The following TESK2 variants were observed in gnomAD, a reference collection of about 807,000 sequenced individuals.
TESK2 encodes the protein dual specificity testis-specific protein kinase 2.
TESK2 carries 39 observed loss-of-function variants against 57.1 expected under a neutral mutation model. The observed-to-expected ratio is 0.68, with a 90% CI of 0.53 to 0.89. The LOEUF is 0.89. Ranked by LOEUF, TESK2 falls within the 40% of genes least tolerant of loss-of-function variation. TESK2 has a pLI of 0.00. For synonymous variants in TESK2, 249 were observed against 267.9 expected (o/e 0.93, Z 0.69); for missense variants, 646 against 732.1 (o/e 0.88, Z 1.36).
intron 4 of TESK2, among the ~76,000 whole-genome samples, chr1:45,379,637 T>C (rs1016887999): frequency 2.6e-5 from 4 of 152,176 alleles, no homozygotes; most frequent in African/African-American, 4.8e-5. Context: ...CTAATACTCT[T>C]TAATAAAGAA....
intron 3 of TESK2, among the ~76,000 whole-genome samples, chr1:45,409,218 C>A (rs1649950677): frequency 6.6e-6 from 1 of 152,158 alleles, no homozygotes; most frequent in Non-Finnish European, 1.5e-5. Context: ...GAATAAGGTT[C>A]TTTTCAGAAG....
chr1:45,449,144 C>G (rs937835588), intron 2 of TESK2, among the ~76,000 whole-genome samples: 4 of 151,328 alleles, frequency 2.6e-5, no homozygotes, highest in African/African-American at 9.7e-5. Context: ...ATTGCTTGAA[C>G]CCGGAAGGCA....
At chr1:45,346,879 A>G in intron 8 of TESK2, 100 bp from the exon 9 acceptor site, 1 of 1,541,300 alleles carries the variant, frequency 6.5e-7, no homozygotes, top group East Asian at 2.3e-5. Context: ...CCTGACAACC[A>G]GCAACAGAGA....
intron 1 of TESK2, among the ~76,000 whole-genome samples, chr1:45,472,558 C>CAAAAAAAA (rs11294894): frequency 9.3e-6 from 1 of 107,048 alleles, no homozygotes; most frequent in Non-Finnish European, 1.9e-5. Context: ...AACTCCATCT[C>CAAAAAAAA]AAAAAAAAAA....
chr1:45,371,500 G>A (rs1276022036), intron 4 of TESK2, among the ~76,000 whole-genome samples: 1 of 152,176 alleles, frequency 6.6e-6, no homozygotes, highest in Non-Finnish European at 1.5e-5. Context: ...GAAATAATGT[G>A]ATCCCCAAAA....
At chr1:45,460,850 A>G (rs1200790008) in intron 1 of TESK2, among the ~76,000 whole-genome samples, 4 of 152,228 alleles carry the variant, frequency 2.6e-5, no homozygotes, top group Non-Finnish European at 5.9e-5. Context: ...TTTATATTTG[A>G]AGAAACATAA....
chr1:45,383,050 A>G (rs1202574346), intron 4 of TESK2, among the ~76,000 whole-genome samples: 4 of 152,166 alleles, frequency 2.6e-5, no homozygotes, highest in African/African-American at 9.7e-5. Context: ...AATAATGTCA[A>G]TGTTTTATAG....
chr1:45,420,424 T>C (rs952918121), intron 3 of TESK2, among the ~76,000 whole-genome samples: 1 of 151,578 alleles, frequency 6.6e-6, no homozygotes, highest in Non-Finnish European at 1.5e-5. Context: ...TGTTGTTTGT[T>C]GTTGTTGTTG....
intron 1 of TESK2, among the ~76,000 whole-genome samples, chr1:45,467,639 T>C (rs576050468): frequency 2.9e-5 from 1 of 34,786 alleles, no homozygotes; most frequent in Non-Finnish European, 5.9e-5. Flanking sequence ...CTTCACAGTT[T>C]TTTTTTTTTT....
chr1:45,439,143 A>G (rs11211110), intron 2 of TESK2, among the ~76,000 whole-genome samples: 30,939 of 152,148 alleles, frequency 0.2, 3,455 homozygotes, highest in Non-Finnish European at 0.26. Flanking sequence ...ATAACATAAC[A>G]TTCACTTACT....
chr1:45,420,103 T>C (rs1650409839), intron 3 of TESK2, among the ~76,000 whole-genome samples: 1 of 152,172 alleles, frequency 6.6e-6, no homozygotes, highest in Non-Finnish European at 1.5e-5. Flanking sequence ...AAACCCTAAC[T>C]AAATATACAT....
intron 3 of TESK2, among the ~76,000 whole-genome samples, chr1:45,409,708 T>G (rs1476837156): frequency 1.3e-5 from 2 of 152,112 alleles, no homozygotes; most frequent in East Asian, 3.8e-4. Context: ...AACTACTTGA[T>G]GGTTTGAAAT....
At chr1:45,368,030 T>C (rs1241179361) in intron 4 of TESK2, among the ~76,000 whole-genome samples, 1 of 151,004 alleles carries the variant, frequency 6.6e-6, no homozygotes, top group East Asian at 1.9e-4. Flanking sequence ...GTTTCACTCT[T>C]GTTGCCCAGG....
intron 3 of TESK2, among the ~76,000 whole-genome samples, chr1:45,408,787 G>C (rs964749746): frequency 6.6e-6 from 1 of 152,260 alleles, no homozygotes; most frequent in African/African-American, 2.4e-5. Flanking sequence ...AGTCTTATGA[G>C]CCTCACCATT....
chr1:45,373,454 A>G (rs1193610408), intron 4 of TESK2, among the ~76,000 whole-genome samples: 3 of 152,238 alleles, frequency 2.0e-5, no homozygotes, highest in Admixed American at 2.0e-4. Context: ...ACAAACATTC[A>G]TTGAGCAGCT....
At chr1:45,439,937 A>C (rs1651371285) in intron 2 of TESK2, among the ~76,000 whole-genome samples, 1 of 146,250 alleles carries the variant, frequency 6.8e-6, no homozygotes, top group South Asian at 2.5e-4. Context: ...CAGCCTGGGC[A>C]ACAAAGCAAG....
At chr1:45,415,975 A>AT (rs1358534461) in intron 3 of TESK2, among the ~76,000 whole-genome samples, 1 of 143,746 alleles carries the variant, frequency 7.0e-6, no homozygotes, top group East Asian at 2.2e-4. Flanking sequence ...CTCATCAGCT[A>AT]TTGTTAGTGT....
intron 3 of TESK2, among the ~76,000 whole-genome samples, chr1:45,392,287 T>C (rs919355023): frequency 6.6e-5 from 10 of 152,334 alleles, no homozygotes; most frequent in African/African-American, 2.2e-4. Flanking sequence ...GGCTTCACCA[T>C]GTTGGCCAGG....
At chr1:45,449,146 CG>C (rs1330641278) in intron 2 of TESK2, among the ~76,000 whole-genome samples, 2 of 149,988 alleles carry the variant, frequency 1.3e-5, no homozygotes, top group African/African-American at 4.9e-5. Flanking sequence ...TGCTTGAACC[CG>C]GAAGGCACAG....
Sources: allele counts gnomAD v4.1 joint callset (sites outside exome capture counted in the v4.1 genomes callset), GRCh38; gene constraint gnomAD v4.1.1; transcripts MANE v1.5; gene names NCBI Gene and HGNC (gene_info 2026-07-23, HGNC 2026-07-21).